RXRG: variants seen among roughly 807,000 people sequenced by gnomAD.
RXRG encodes retinoic acid receptor RXR-gamma.
RXRG carries 19 observed loss-of-function variants against 49.2 expected under a neutral mutation model. The observed-to-expected ratio is 0.39, with a 90% CI of 0.27 to 0.57. The LOEUF (loss-of-function observed/expected upper bound fraction) is 0.57. Ranked by LOEUF, RXRG falls within the 20% of genes least tolerant of loss-of-function variation. RXRG has a pLI of 0.64. For missense variants in RXRG, 452 were observed against 592.5 expected (o/e 0.76, Z 2.46); for synonymous variants, 224 against 216.6 (o/e 1.03, Z -0.30).
chr1:165,404,220 C>T (rs754983195), intron 9 of RXRG, among the ~76,000 whole-genome samples: 14 of 152,190 alleles, frequency 9.2e-5, no homozygotes, highest in Non-Finnish European at 2.1e-4. Flanking sequence ...CCTACTGAGC[C>T]AACTATGAAC....
intron 1 of RXRG, among the ~76,000 whole-genome samples, chr1:165,441,948 T>C (rs1320537787): frequency 1.3e-5 from 2 of 152,164 alleles, no homozygotes; most frequent in Non-Finnish European, 2.9e-5. Flanking sequence ...GTTTGAGCAA[T>C]CTGTTGCTCA....
At chr1:165,429,949 C>T (rs1035330086) in intron 1 of RXRG, among the ~76,000 whole-genome samples, 3 of 152,088 alleles carry the variant, frequency 2.0e-5, no homozygotes, top group African/African-American at 4.8e-5. Context: ...GAGCTATAAG[C>T]TTTAGGATCT....
intron 8 of RXRG, 129 bp downstream of exon 8, chr1:165,408,098 C>T (rs1173946041): frequency 2.7e-6 from 2 of 732,874 alleles, no homozygotes; most frequent in Non-Finnish European, 4.8e-6. Flanking sequence ...ACACTGTGAG[C>T]TCTCCTGGAT....
At position 165,427,402 on chromosome 1, in the gene RXRG, ATGTTTTGTTTTGTTT is replaced by A. The variant is rs67818708; in HGVS notation, c.297+1302_297+1316del. On this transcript the variant is annotated intron_variant, in intron 2 of 9. Transcript: ENST00000359842. ...CCCCATCAATGTTGGAATCTGTCATATGTTTTGTTTTGTTTTGTTTTGTTTTGTTTTGTTTTGTTT... is the reference window on the plus strand; with the variant it reads ...CCCCATCAATGTTGGAATCTGTCATATGTTTTGTTTTGTTTTGTTTTGTTT... Among the ~76,000 whole-genome samples, 1,020 of 149,606 alleles carry A rather than the reference ATGTTTTGTTTTGTTT, an allele frequency of 6.8e-3. 10 individuals are homozygous for A. The highest frequency in any genetic ancestry group is 0.02 in the African/African-American group (801 of 40,260).
intron 4 of RXRG, among the ~76,000 whole-genome samples, chr1:165,414,830 G>A (rs567921437): frequency 6.6e-6 from 1 of 152,322 alleles, no homozygotes; most frequent in East Asian, 1.9e-4. Flanking sequence ...TAAGCACAGA[G>A]TAGGCACTCA....
intron 9 of RXRG, among the ~76,000 whole-genome samples, chr1:165,402,890 A>G (rs191312428): frequency 2.0e-5 from 3 of 152,196 alleles, no homozygotes; most frequent in African/African-American, 7.2e-5. Flanking sequence ...GCACACACTC[A>G]TTCTCACATA....
Position 165,420,009 on chromosome 1 carries a change from A to C in RXRG, c.303T>G (p.Asn101Lys). 1.9e-6 allele frequency: 3 copies of C among 1,594,988 alleles called. No homozygotes were observed. The highest frequency in any genetic ancestry group is 2.6e-6 in the Non-Finnish European group (3 of 1,169,424). ...CTGAACTGCTGACACTGTTGACCAC[A>C]TTTAGCTGCAAGAGAAAAAAATACT... Reference protein sequence around the residue: ...NLVAPPSSQLNVVNSVSSSED... With the variant: ...NLVAPPSSQLKVVNSVSSSED... Residue 101 changes from asparagine (N) to lysine (K), a missense_variant, in exon 3 of 10, where the codon AAT (asparagine) becomes AAG (lysine). By Grantham distance (94) the Asn-to-Lys change is moderately conservative (BLOSUM62 0). Transcript: ENST00000359842.
At chr1:165,429,268 C>T (rs1658597572) in intron 1 of RXRG, among the ~76,000 whole-genome samples, 2 of 152,152 alleles carry the variant, frequency 1.3e-5, no homozygotes, top group Non-Finnish European at 2.9e-5. Flanking sequence ...GGGCACAGTC[C>T]AGAAGACCCC....
rs1202103108 is a variant in RXRG, at chr1:165,419,768, T to G, written c.442+102A>C. Reference sequence around the variant, plus strand: ...AGGTGGGTCCCCAGTTAGCCCATCCTAAAGGGCCATTTTCCTTTCATTGAG... The same window carrying G: ...AGGTGGGTCCCCAGTTAGCCCATCCGAAAGGGCCATTTTCCTTTCATTGAG... On this transcript the variant is annotated intron_variant, in intron 3 of 9. Coordinates refer to ENST00000359842, the MANE Select transcript of RXRG (RefSeq NM_006917.5). 3 of 1,092,796 alleles carry G rather than the reference T, an allele frequency of 2.7e-6. No homozygotes were observed. The Admixed American group carries it at 8.4e-5, about 31-fold the overall frequency. The allele number at this position is 1,092,796 out of a possible 1,614,324, so 67.7% of individuals were successfully genotyped here. A position where few individuals can be genotyped will look rare whatever the true frequency, so the allele number is the denominator to read the frequency against.
At chr1:165,408,380 A>G in intron 7 of RXRG, 62 bp from the exon 8 acceptor site, 1 of 1,296,406 alleles carries the variant, frequency 7.7e-7, no homozygotes, top group Non-Finnish European at 1.1e-6. Context: ...GAGCCAATAA[A>G]ATGAATTCAA....
At chr1:165,406,990 C>CCA (rs111545739) in intron 8 of RXRG, 73 bp from the exon 9 acceptor site, 22 of 1,063,816 alleles carry the variant, frequency 2.1e-5, no homozygotes, top group East Asian at 4.8e-5. Flanking sequence ...TCTCTGGCCA[C>CCA]TCTCTGTAGA....
intron 1 of RXRG, among the ~76,000 whole-genome samples, chr1:165,434,886 G>A (rs546649276): frequency 2.6e-5 from 4 of 152,210 alleles, no homozygotes; most frequent in Non-Finnish European, 4.4e-5. Context: ...GAGCAAGGTC[G>A]GCAGGAGATT....
intron 9 of RXRG, 98 bp from the exon 10 acceptor site, chr1:165,401,508 T>G (rs894095364): frequency 9.3e-6 from 13 of 1,392,814 alleles, no homozygotes; most frequent in African/African-American, 1.4e-5. Context: ...TCTCGACCCA[T>G]CTGTGATAAA....
intron 8 of RXRG, among the ~76,000 whole-genome samples, chr1:165,407,471 C>T (rs1657792917): frequency 6.6e-6 from 1 of 152,220 alleles, no homozygotes; most frequent in South Asian, 2.1e-4. Context: ...CCCTATCTCA[C>T]TGCCTGCCCC....
At chr1:165,415,237 C>A (rs1658088596) in intron 4 of RXRG, among the ~76,000 whole-genome samples, 1 of 152,156 alleles carries the variant, frequency 6.6e-6, no homozygotes, top group Non-Finnish European at 1.5e-5. Flanking sequence ...ACAGCAAGTG[C>A]AAAGGCCCTG....
At chr1:165,443,771 G>T (rs1659075560) in intron 1 of RXRG, among the ~76,000 whole-genome samples, 1 of 152,192 alleles carries the variant, frequency 6.6e-6, no homozygotes, top group South Asian at 2.1e-4. Context: ...CCTCCCAGGG[G>T]GTTCTGCCCA....
intron 5 of RXRG, 37 bp from the exon 6 acceptor site, chr1:165,410,868 C>G: frequency 2.5e-6 from 4 of 1,613,896 alleles, no homozygotes. Context: ...GCACAGGTCC[C>G]AGGACTCAAA....
At chr1:165,410,518 A>G (rs1657909602) in intron 6 of RXRG, among the ~76,000 whole-genome samples, 184 bp downstream of exon 6, 1 of 152,196 alleles carries the variant, frequency 6.6e-6, no homozygotes, top group African/African-American at 2.4e-5. Context: ...TTTGCATGGG[A>G]AAAGAGTCCC....
chr1:165,439,917 C>A (rs1184253326), intron 1 of RXRG, among the ~76,000 whole-genome samples: 1 of 152,132 alleles, frequency 6.6e-6, no homozygotes, highest in Non-Finnish European at 1.5e-5. Flanking sequence ...ATTAGCTAAT[C>A]CCTGGTGTCT....
Sources: gnomAD v4.1 joint callset for allele counts (sites outside exome capture counted in the v4.1 genomes callset) on GRCh38, gnomAD v4.1.1 for gene constraint, MANE v1.5 for transcripts, NCBI Gene and HGNC (gene_info 2026-07-23, HGNC 2026-07-21) for gene names.